ELP4: variants seen among roughly 807,000 people sequenced by gnomAD.
The protein encoded by ELP4 is elongator acetyltransferase complex subunit 4, also known as elongator complex protein 4.
In ELP4, 51 loss-of-function variants were observed where a neutral mutation model predicts 48.9. The observed-to-expected ratio is 1.04, with a 90% CI of 0.83 to 1.32. The LOEUF is 1.32. Among genes scored for constraint, ELP4 ranks in the 40% most tolerant of loss-of-function variants. The pLI is 0.00. For missense variants in ELP4, 519 were observed against 514.6 expected, an observed-to-expected ratio of 1.01 and a Z score of -0.08; for synonymous variants, 210 against 189.2, an observed-to-expected ratio of 1.11 and a Z score of -0.90.
intron 3 of ELP4, among the ~76,000 whole-genome samples, chr11:31,549,225 G>A (rs538896007): frequency 1.3e-5 from 2 of 151,250 alleles, no homozygotes; most frequent in Admixed American, 6.6e-5. Context: ...GAAAATTTTC[G>A]CAACCTACTC....
intron 2 of ELP4, among the ~76,000 whole-genome samples, chr11:31,521,856 A>G (rs1339525237): frequency 6.6e-6 from 1 of 152,154 alleles, no homozygotes; most frequent in Non-Finnish European, 1.5e-5. Context: ...TAGTTTACTT[A>G]AATTATGCCA....
intron 9 of ELP4, among the ~76,000 whole-genome samples, chr11:31,717,301 T>A (rs758453544): frequency 6.6e-6 from 1 of 152,234 alleles, no homozygotes; most frequent in African/African-American, 2.4e-5. Flanking sequence ...CGCAGTCACA[T>A]TAGCAGTAAC....
chr11:31,755,920 G>A (rs1235715215), intron 9 of ELP4, among the ~76,000 whole-genome samples: 1 of 152,074 alleles, frequency 6.6e-6, no homozygotes, highest in Non-Finnish European at 1.5e-5. Flanking sequence ...CTGGTTCCTT[G>A]TGGAGAGAGA....
chr11:31,725,655 T>C (rs1294501932), intron 9 of ELP4, among the ~76,000 whole-genome samples: 2 of 152,188 alleles, frequency 1.3e-5, no homozygotes, highest in Admixed American at 1.3e-4. Context: ...ATAAAATCTT[T>C]TCACCACAAG....
intron 9 of ELP4, among the ~76,000 whole-genome samples, chr11:31,710,565 C>T (rs1407975096): frequency 1.3e-5 from 2 of 150,236 alleles, no homozygotes; most frequent in Non-Finnish European, 2.9e-5. Flanking sequence ...GCAGAGGTTG[C>T]AGTGAGTCCA....
chr11:31,586,236 A>G (rs1957470940), intron 3 of ELP4, among the ~76,000 whole-genome samples: 1 of 152,226 alleles, frequency 6.6e-6, no homozygotes, highest in Non-Finnish European at 1.5e-5. Flanking sequence ...ACTGTCAAAC[A>G]TATACCTAAC....
At chr11:31,708,896 G>A (rs574424689) in intron 9 of ELP4, among the ~76,000 whole-genome samples, 21 of 152,146 alleles carry the variant, frequency 1.4e-4, no homozygotes, top group African/African-American at 5.1e-4. Context: ...TGACATCCAA[G>A]ATTTTGTTTG....
intron 2 of ELP4, among the ~76,000 whole-genome samples, chr11:31,533,267 A>G (rs1956430401): frequency 6.6e-6 from 1 of 150,972 alleles, no homozygotes; most frequent in African/African-American, 2.4e-5. Context: ...GTTGTCATTT[A>G]TAAGTAAAAA....
chr11:31,716,298 C>T (rs1057440408), intron 9 of ELP4, among the ~76,000 whole-genome samples: 1 of 152,180 alleles, frequency 6.6e-6, no homozygotes, highest in East Asian at 1.9e-4. Flanking sequence ...CAGGCACAAG[C>T]CACCGTGCTC....
intron 9 of ELP4, chr11:31,654,410 A>C (rs1945384923): frequency 6.6e-6 from 1 of 151,758 alleles, no homozygotes; most frequent in Non-Finnish European, 1.5e-5. Context: ...CCTAATTCAG[A>C]ATAGGACCTC....
chr11:31,768,196 C>A (rs1948077322), intron 9 of ELP4, among the ~76,000 whole-genome samples: 2 of 151,920 alleles, frequency 1.3e-5, no homozygotes, highest in African/African-American at 2.4e-5. Context: ...TTAAAGTATT[C>A]ATGACAATAT....
chr11:31,790,121 CTA>C lies in ELP4; in HGVS notation c.*6598_*6599del, dbSNP rs1949391813. On this transcript the variant is annotated 3_prime_UTR_variant, in exon 10 of 10. Transcript: ENST00000640961. The stretch of plus-strand genomic sequence containing the variant: ...ACAAAAAAAAAAAAAAAAAAAAAAA[CTA>C]ATACTTTCTAACATTTTTTACTGTA... 1.8e-6 allele frequency: 1 copy of C among 544,466 alleles called. No homozygotes were observed. The highest frequency in any genetic ancestry group is 3.1e-6 in the Non-Finnish European group (1 of 325,854). 33.7% of individuals were successfully genotyped at this position (544,466 alleles called of 1,614,324 possible). A position where few individuals can be genotyped will look rare whatever the true frequency, so the allele number is the denominator to read the frequency against.
At chr11:31,753,225 CTG>C (rs1237460957) in intron 9 of ELP4, among the ~76,000 whole-genome samples, 1 of 152,200 alleles carries the variant, frequency 6.6e-6, no homozygotes, top group Non-Finnish European at 1.5e-5. Context: ...CCAAATCACT[CTG>C]TAGAAAAGCT....
At chr11:31,771,712 G>A (rs905814395) in intron 9 of ELP4, among the ~76,000 whole-genome samples, 2 of 152,170 alleles carry the variant, frequency 1.3e-5, no homozygotes, top group Non-Finnish European at 2.9e-5. Context: ...GGGCTCAGTG[G>A]CTCACGCCTG....
At chr11:31,643,532 G>T (rs938187998) in intron 7 of ELP4, among the ~76,000 whole-genome samples, 5 of 151,822 alleles carry the variant, frequency 3.3e-5, no homozygotes, top group Non-Finnish European at 5.9e-5. Flanking sequence ...AATATTGAGG[G>T]TTTAAGGTAT....
intron 9 of ELP4, among the ~76,000 whole-genome samples, chr11:31,655,692 T>C (rs1945418762): frequency 2.0e-5 from 3 of 152,018 alleles, no homozygotes; most frequent in Admixed American, 2.0e-4. Context: ...AAGTTAGGGT[T>C]GAGTCATGCC....
intron 5 of ELP4, among the ~76,000 whole-genome samples, chr11:31,604,309 A>AT (rs1031925498): frequency 1.3e-5 from 2 of 151,800 alleles, no homozygotes; most frequent in African/African-American, 4.8e-5. Flanking sequence ...GCTTAATTTA[A>AT]TTTTTTGGCA....
At position 31,733,602 on chromosome 11, in the gene ELP4, G is replaced by A. The variant is rs1472641789; in HGVS notation, c.1144-49791G>A. ...ATTATAAGTCAACAAATTGGATCAT[G>A]TGGAAAACAATGGATAAATTCCTAG... On this transcript the variant is annotated intron_variant, in intron 9 of 9. Transcript: ENST00000640961. Among the ~76,000 whole-genome samples the A allele has an allele frequency of 2.6e-5, 4 of 152,018 alleles. No homozygotes were observed. In the East Asian group the frequency reaches 5.8e-4, roughly 22 times the overall value.
chr11:31,592,080 G>T (rs1957588486), intron 3 of ELP4, among the ~76,000 whole-genome samples: 1 of 152,136 alleles, frequency 6.6e-6, no homozygotes. Context: ...GGTTGCCAGG[G>T]GCAGGAGAGA....
Sources: gnomAD v4.1 joint callset for allele counts (sites outside exome capture counted in the v4.1 genomes callset) on GRCh38, gnomAD v4.1.1 for gene constraint, MANE v1.5 for transcripts, NCBI Gene and HGNC (gene_info 2026-07-23, HGNC 2026-07-21) for gene names.